DMD: variants seen among roughly 807,000 people sequenced by gnomAD.
The protein encoded by DMD is mutant dystrophin.
Under a neutral mutation model 330.1 loss-of-function variants are expected in DMD, and 63 were observed. The ratio of observed to expected loss-of-function variants is 0.19; its 90% CI spans 0.16 to 0.24. The LOEUF (loss-of-function observed/expected upper bound fraction) is 0.24. DMD is among the 10% of genes least tolerant of loss of function. The pLI, the probability that DMD is intolerant of heterozygous loss-of-function variation, is 1.00. For synonymous variants in DMD, 1,223 were observed against 959.8 expected, an observed-to-expected ratio of 1.27 and a Z score of -5.07; for missense variants, 3,344 against 2,684.1, an observed-to-expected ratio of 1.25 and a Z score of -5.43.
intron 1 of DMD, among the ~76,000 whole-genome samples, chrX:33,151,170 C>T (rs982315730): frequency 8.9e-6 from 1 of 112,118 alleles, no homozygotes. Context: ...ATGAGTACAG[C>T]GTTTGATTTT....
At chrX:32,627,930 T>C (rs2058460811) in intron 11 of DMD, among the ~76,000 whole-genome samples, 1 of 110,629 alleles carries the variant, frequency 9.0e-6, no homozygotes, top group East Asian at 2.8e-4. Context: ...ATAGTATGTG[T>C]TTATATTTAT....
intron 4 of DMD, among the ~76,000 whole-genome samples, chrX:32,834,307 A>C (rs1045880747): frequency 8.9e-6 from 1 of 111,942 alleles, no homozygotes; most frequent in Non-Finnish European, 1.9e-5. Context: ...ATTTGTACTT[A>C]AATACTAGAT....
At chrX:33,329,930 AAGG>A (rs765767857) in intron 1 of DMD, among the ~76,000 whole-genome samples, 1 of 111,728 alleles carries the variant, frequency 9.0e-6, no homozygotes, top group Non-Finnish European at 1.9e-5. Flanking sequence ...TTTAAAAATC[AAGG>A]AGGACAGAAA....
At chrX:32,770,279 G>A (rs1350204776) in intron 7 of DMD, among the ~76,000 whole-genome samples, 1 of 111,971 alleles carries the variant, frequency 8.9e-6, no homozygotes, top group Non-Finnish European at 1.9e-5. Context: ...TGGAAGACAA[G>A]CTAAGAGAGG....
intron 55 of DMD, among the ~76,000 whole-genome samples, chrX:31,578,651 T>C (rs1238278473): frequency 8.9e-6 from 1 of 111,876 alleles, no homozygotes; most frequent in East Asian, 2.8e-4. Context: ...AGCAAGATTT[T>C]TGATGCGCTA....
intron 12 of DMD, among the ~76,000 whole-genome samples, chrX:32,600,802 T>C (rs1458409571): frequency 9.0e-6 from 1 of 111,279 alleles, no homozygotes; most frequent in African/African-American, 3.3e-5. Context: ...AAAAAAATTG[T>C]AGCAAACATA....
chrX:32,803,818 A>C (rs1227721596), intron 7 of DMD, among the ~76,000 whole-genome samples: 1 of 111,870 alleles, frequency 8.9e-6, no homozygotes, highest in Non-Finnish European at 1.9e-5. Context: ...CTGTGATCTG[A>C]GAGGCTGTTA....
chrX:32,979,359 T>C (rs971053137), intron 2 of DMD, among the ~76,000 whole-genome samples: 1 of 112,076 alleles, frequency 8.9e-6, no homozygotes, highest in Non-Finnish European at 1.9e-5. Flanking sequence ...GTTACCAAAG[T>C]GTTTTTCATA....
In DMD at chrX:31,257,671, G is replaced by A. The variant is rs781165628; in HGVS notation, c.9286+3284C>T. On this transcript the variant is annotated intron_variant, in intron 63 of 78. Transcript: ENST00000357033. The stretch of plus-strand genomic sequence containing the variant: ...TCTCAAGGATGTAGGCAGGCTGGGC[G>A]CTGTGGCTTACGCTTGTAATCCTAA... Among the ~76,000 whole-genome samples, 14 of 112,482 alleles carry A rather than the reference G, an allele frequency of 1.2e-4. No homozygotes were observed. In the East Asian group the frequency reaches 1.9e-3, roughly 16 times the overall value.
chrX:33,168,211 C>T (rs1041570675), intron 1 of DMD, among the ~76,000 whole-genome samples: 3 of 110,958 alleles, frequency 2.7e-5, no homozygotes, highest in South Asian at 3.7e-4. Flanking sequence ...GGTAAAATCA[C>T]GTTTATGGCT....
intron 9 of DMD, among the ~76,000 whole-genome samples, chrX:32,669,042 A>G (rs193027876): frequency 2.3e-4 from 25 of 111,091 alleles, no homozygotes; most frequent in South Asian, 3.8e-4. Context: ...TTCCTACCAC[A>G]GAGTGTATCA....
chrX:32,551,674 G>A (rs140474271), intron 16 of DMD, among the ~76,000 whole-genome samples: 3,721 of 111,338 alleles, frequency 0.033, 76 homozygotes, highest in Middle Eastern at 0.097. Flanking sequence ...AATCCAAATA[G>A]GAAGAGAGGA....
intron 2 of DMD, among the ~76,000 whole-genome samples, chrX:32,959,548 T>A (rs4295804): frequency 0.37 from 41,026 of 110,051 alleles, 6,711 homozygotes; most frequent in African/African-American, 0.64. Flanking sequence ...TCGGGCTACA[T>A]CTCTCCAAAT....
intron 1 of DMD, among the ~76,000 whole-genome samples, chrX:33,248,093 G>A (rs5928212): frequency 0.6 from 66,322 of 109,692 alleles, 17,322 homozygotes; most frequent in Non-Finnish European, 0.83. Context: ...CCAGGCTGGA[G>A]TGCGGTGGCG....
intron 44 of DMD, among the ~76,000 whole-genome samples, chrX:32,008,507 T>A (rs1316204207): frequency 3.6e-5 from 4 of 112,031 alleles, no homozygotes; most frequent in Non-Finnish European, 5.6e-5. Context: ...TATGTGTGGA[T>A]GTAAACAACG....
chrX:32,380,797 T>G, intron 33 of DMD, 117 bp from the exon 34 acceptor site: 1 of 576,473 alleles, frequency 1.7e-6, no homozygotes, highest in Non-Finnish European at 2.7e-6. Flanking sequence ...TTCTTACACG[T>G]TTTAAAATAA....
chrX:32,652,151 T>A (rs1202244240), intron 9 of DMD, among the ~76,000 whole-genome samples: 2 of 111,547 alleles, frequency 1.8e-5, no homozygotes, highest in Non-Finnish European at 3.8e-5. Flanking sequence ...TCTTTTTTTT[T>A]ATACTTTAAA....
In DMD at chrX:31,461,511, A is replaced by C. The variant is rs182264169; in HGVS notation, c.8937+16595T>G. Among the ~76,000 whole-genome samples, 3 of 111,839 alleles carry C rather than the reference A, an allele frequency of 2.7e-5. No individual in the cohort carries two copies. In the East Asian group the frequency reaches 8.5e-4, roughly 32 times the overall value. ...TCTCAATGATGTCTGGACATGTCTG[A>C]ATGCCTAGACATTTACAGATTCCAT... On this transcript the variant is annotated intron_variant, in intron 59 of 78. Transcript: ENST00000357033.
At chrX:31,752,735 C>T (rs1457984136) in intron 51 of DMD, among the ~76,000 whole-genome samples, 1 of 111,246 alleles carries the variant, frequency 9.0e-6, no homozygotes, top group Non-Finnish European at 1.9e-5. Context: ...TAGGGTATTG[C>T]CTTCTGGGAT....
Sources: gnomAD v4.1 joint callset for allele counts (sites outside exome capture counted in the v4.1 genomes callset) on GRCh38, gnomAD v4.1.1 for gene constraint, MANE v1.5 for transcripts, NCBI Gene and HGNC (gene_info 2026-07-23, HGNC 2026-07-21) for gene names.